Variants in GPM6A observed in about 807,000 individuals in gnomAD.
The protein encoded by GPM6A is neuronal membrane glycoprotein M6-a.
A neutral mutation model predicts 32.1 loss-of-function variants in GPM6A; 7 were observed. The observed-to-expected ratio is 0.22, with a 90% CI of 0.12 to 0.41. The LOEUF (loss-of-function observed/expected upper bound fraction) is 0.41, where lower values mean the gene tolerates loss of function less well. Among genes scored for constraint, GPM6A ranks in the 10% least tolerant of loss-of-function variants. The probability of loss-of-function intolerance (pLI) is 1.00; values close to 1 mark genes in which losing one functional copy is unlikely to be tolerated. For missense variants in GPM6A, 235 were observed against 347.2 expected (o/e 0.68, Z 2.57); for synonymous variants, 130 against 123.4 (o/e 1.05, Z -0.35).
upstream of GPM6A, chr4:175,812,545 T>TG: frequency 9.4e-7 from 1 of 1,064,086 alleles, no homozygotes; most frequent in Non-Finnish European, 1.1e-6. Flanking sequence ...CTGAGAATTT[T>TG]GGGGGGAAAT....
At chr4:175,909,620 T>A (rs17062236) in intron 1 of GPM6A, among the ~76,000 whole-genome samples, 6,713 of 152,242 alleles carry the variant, frequency 0.044, 394 homozygotes, top group East Asian at 0.25. Context: ...CCATGTGGCA[T>A]ATTACTTATG....
At position 175,933,285 on chromosome 4, in the gene GPM6A, C is replaced by T. The variant is rs1289799571; in HGVS notation, c.-23+69024G>A. ...ATCTTCAGAGAAATTCAAATTAAAA[C>T]CAGAGTGAGATACCACTAAACACCC... On this transcript the variant is annotated intron_variant, in intron 1 of 7. Transcript: ENST00000280187. 3.3e-5 allele frequency among the ~76,000 whole-genome samples: 5 copies of T among 152,144 alleles called. No individual in the cohort carries two copies. The East Asian group carries it at 9.7e-4, about 29-fold the overall frequency.
At chr4:175,858,262 C>T (rs371666163) in intron 1 of GPM6A, among the ~76,000 whole-genome samples, 13 of 152,170 alleles carry the variant, frequency 8.5e-5, no homozygotes, top group South Asian at 2.1e-4. Flanking sequence ...TTGGACGCTG[C>T]GGCTCTTGCC....
chr4:175,648,645 C>G (rs1176710293), intron 4 of GPM6A, among the ~76,000 whole-genome samples: 1 of 152,180 alleles, frequency 6.6e-6, no homozygotes, highest in East Asian at 1.9e-4. Flanking sequence ...TCTGGAGGCC[C>G]TAGAAGCAGG....
intron 1 of GPM6A, among the ~76,000 whole-genome samples, chr4:175,778,564 G>T (rs78835313): frequency 7.0e-6 from 1 of 142,096 alleles, no homozygotes; most frequent in African/African-American, 2.6e-5. Context: ...GGTGGAGGTT[G>T]CAGTGAGGGG....
At chr4:175,742,124 C>T (rs1731910781) in intron 1 of GPM6A, among the ~76,000 whole-genome samples, 1 of 151,766 alleles carries the variant, frequency 6.6e-6, no homozygotes, top group Non-Finnish European at 1.5e-5. Flanking sequence ...TAAACTTTTC[C>T]TCTTAAGTGG....
At chr4:175,927,424 G>A (rs1251317274) in intron 1 of GPM6A, among the ~76,000 whole-genome samples, 1 of 152,202 alleles carries the variant, frequency 6.6e-6, no homozygotes, top group East Asian at 1.9e-4. Flanking sequence ...TAGAAGAGAC[G>A]TATGATTCCC....
Position 175,894,296 on chromosome 4 carries a change from A to G in GPM6A, c.-22-82047T>C, listed in dbSNP as rs567569876. Among the ~76,000 whole-genome samples the G allele has an allele frequency of 6.6e-5, 10 of 152,316 alleles. No homozygotes were observed. In the South Asian group the frequency reaches 1.0e-3, roughly 16 times the overall value. On this transcript the variant is annotated intron_variant, in intron 1 of 7. Coordinates refer to the GPM6A transcript ENST00000280187. ...ACCAAATTAAGTGTTCTCAGCAACT[A>G]CTAAGTCCAAGTGGGAAATCATCTA... is the stretch of plus-strand genomic sequence containing the variant.
intron 1 of GPM6A, among the ~76,000 whole-genome samples, chr4:175,704,801 T>C (rs995680259): frequency 7.2e-5 from 11 of 152,138 alleles, no homozygotes; most frequent in Non-Finnish European, 1.6e-4. Context: ...CTGTTCAAGG[T>C]AGAATAAGTT....
intron 1 of GPM6A, among the ~76,000 whole-genome samples, chr4:175,834,989 T>G (rs1163262703): frequency 1.3e-5 from 2 of 152,216 alleles, no homozygotes; most frequent in Non-Finnish European, 2.9e-5. Flanking sequence ...TTCCCTTTCT[T>G]TATCTTTTCT....
chr4:175,980,027 G>A (rs902570704), intron 1 of GPM6A, among the ~76,000 whole-genome samples: 3 of 152,174 alleles, frequency 2.0e-5, no homozygotes, highest in Non-Finnish European at 4.4e-5. Flanking sequence ...TCTGGGTACT[G>A]TGTGAGATAG....
At chr4:175,935,006 C>T (rs1209117237) in intron 1 of GPM6A, among the ~76,000 whole-genome samples, 5 of 152,146 alleles carry the variant, frequency 3.3e-5, no homozygotes, top group African/African-American at 1.2e-4. Flanking sequence ...ATATTAAGAA[C>T]TGTTTGTTAT....
At chr4:175,665,165 AC>A (rs1156512477) in intron 3 of GPM6A, among the ~76,000 whole-genome samples, 1 of 152,216 alleles carries the variant, frequency 6.6e-6, no homozygotes, top group Non-Finnish European at 1.5e-5. Context: ...TGTGTACTGT[AC>A]TAGGCCTTAG....
At chr4:175,882,896 A>G (rs1737326849) in intron 1 of GPM6A, among the ~76,000 whole-genome samples, 1 of 152,108 alleles carries the variant, frequency 6.6e-6, no homozygotes, top group Non-Finnish European at 1.5e-5. Context: ...AAGGTCTTGG[A>G]AAAACTGATA....
intron 1 of GPM6A, among the ~76,000 whole-genome samples, chr4:175,974,361 G>A (rs1424105130): frequency 6.6e-6 from 1 of 152,068 alleles, no homozygotes; most frequent in African/African-American, 2.4e-5. Flanking sequence ...TTGTTTGATC[G>A]ATTGTTTGTT....
chr4:175,733,600 G>A (rs1029143584), intron 1 of GPM6A, among the ~76,000 whole-genome samples: 11 of 152,030 alleles, frequency 7.2e-5, no homozygotes, highest in African/African-American at 2.2e-4. Flanking sequence ...CTTATTGGAG[G>A]TTTGACTAAC....
At chr4:175,895,441 G>GA (rs898091810) in intron 1 of GPM6A, among the ~76,000 whole-genome samples, 1 of 151,978 alleles carries the variant, frequency 6.6e-6, no homozygotes, top group African/African-American at 2.4e-5. Context: ...TTGCCAATTG[G>GA]AAAAAACTAA....
chr4:175,819,927 G>A (rs1010900590), intron 1 of GPM6A, among the ~76,000 whole-genome samples: 1 of 152,142 alleles, frequency 6.6e-6, no homozygotes, highest in Non-Finnish European at 1.5e-5. Context: ...AAGAACTTAC[G>A]ATTGAAGTTA....
intron 1 of GPM6A, among the ~76,000 whole-genome samples, chr4:175,791,453 A>G (rs553557997): frequency 8.5e-5 from 13 of 152,298 alleles, no homozygotes; most frequent in Middle Eastern, 3.4e-3. Flanking sequence ...TGGCAGTCAC[A>G]CAATTTGGAG....
Sources: gnomAD v4.1 joint callset for allele counts (sites outside exome capture counted in the v4.1 genomes callset) on GRCh38, gnomAD v4.1.1 for gene constraint, MANE v1.5 for transcripts, NCBI Gene and HGNC (gene_info 2026-07-23, HGNC 2026-07-21) for gene names.